Variants in DMAC2 observed in about 807,000 individuals in gnomAD.
DMAC2 encodes the protein distal membrane arm assembly component 2.
A neutral mutation model predicts 29.6 loss-of-function variants in DMAC2; 32 were observed. The observed-to-expected ratio is 1.08, with a 90% confidence interval of 0.81 to 1.45. The LOEUF is 1.45. Ranked by LOEUF, DMAC2 falls within the 40% of genes most tolerant of loss-of-function variation. The pLI is 0.00. For synonymous variants in DMAC2, 133 were observed against 137.4 expected (o/e 0.97, Z 0.23); for missense variants, 319 against 340.0 (o/e 0.94, Z 0.49).
Position 41,433,350 on chromosome 19 carries a change from G to A in DMAC2, c.518C>T (p.Ala173Val). Residue 173 changes from alanine (A) to valine (V), a missense_variant, in exon 5 of 6, where the codon GCC becomes GTC. Physicochemically the swap from Ala to Val is moderately conservative, Grantham distance 64. Coordinates refer to ENST00000221943, the MANE Select transcript of DMAC2 (RefSeq NM_018035.3). ...CAGCGAGAGCTCCTGCAACGAGTCG[G>A]CCAGTGGGTAGAGGCGGCTGAGACA... The part of the protein sequence containing the change: ...DWCLSRLYPL[A>V]DSLQELSLAG... 1 of 1,612,736 alleles carries A rather than the reference G, an allele frequency of 6.2e-7. No individual in the cohort carries two copies. The highest frequency in any genetic ancestry group is 8.5e-7 in the Non-Finnish European group (1 of 1,179,944).
intron 3 of DMAC2, among the ~76,000 whole-genome samples, chr19:41,434,848 T>C (rs191826519): frequency 6.6e-6 from 1 of 151,440 alleles, no homozygotes; most frequent in East Asian, 1.9e-4. Flanking sequence ...CTACCAAAAA[T>C]AAAAAAAATT....
chr19:41,439,738 G>A lies in DMAC2; in HGVS notation c.18+144C>T, dbSNP rs1037442992. On this transcript the variant is annotated intron_variant, in intron 1 of 5. Coordinates refer to ENST00000221943, the MANE Select transcript of DMAC2 (RefSeq NM_018035.3). ...TCCTTCCTGGCCCCCACTAGCCACA[G>A]GTTTGCACTCCCAGTACGGGGCTTG... 9.1e-6 allele frequency: 13 copies of A among 1,420,948 alleles called. No homozygotes were observed. In the Admixed American group the frequency reaches 1.5e-4, roughly 16 times the overall value. 88.0% of individuals were successfully genotyped at this position (1,420,948 alleles called of 1,614,324 possible).
chr19:41,439,777 G>A, intron 1 of DMAC2, 105 bp downstream of exon 1: 2 of 1,564,750 alleles, frequency 1.3e-6, no homozygotes, highest in Non-Finnish European at 1.8e-6. Context: ...GGCTTAGCCT[G>A]CTGCCTCACG....
chr19:41,434,107 C>T (rs2039728888), intron 3 of DMAC2, among the ~76,000 whole-genome samples: 1 of 152,020 alleles, frequency 6.6e-6, no homozygotes, highest in Non-Finnish European at 1.5e-5. Context: ...TGGTGGCAGG[C>T]GCCTGTACTC....
At chr19:41,437,160 AAGGCCG>A (rs1349207320) in intron 2 of DMAC2, among the ~76,000 whole-genome samples, 3 of 150,188 alleles carry the variant, frequency 2.0e-5, no homozygotes, top group Non-Finnish European at 3.0e-5. Context: ...AGCACTTTGG[AAGGCCG>A]AGGCAGGTGG....
At chr19:41,432,870 G>A (rs1310336747) in intron 5 of DMAC2, 13 of 441,868 alleles carry the variant, frequency 2.9e-5, no homozygotes, top group African/African-American at 1.0e-4. Flanking sequence ...GTGTGCGTGC[G>A]TGTGTGTGTG....
intron 3 of DMAC2, among the ~76,000 whole-genome samples, chr19:41,435,588 T>C (rs371899786): frequency 5.9e-5 from 9 of 151,540 alleles, no homozygotes; most frequent in Middle Eastern, 3.4e-3. Flanking sequence ...TTTTTTGTGA[T>C]GAGGTCTCCC....
intron 5 of DMAC2, chr19:41,432,686 A>T: frequency 3.8e-6 from 1 of 265,180 alleles, no homozygotes; most frequent in Non-Finnish European, 6.5e-6. Flanking sequence ...GTATAGGGAG[A>T]TAAGCCAGTA....
intron 3 of DMAC2, 116 bp from the exon 4 acceptor site, chr19:41,433,789 A>C: frequency 7.2e-7 from 1 of 1,392,458 alleles, no homozygotes; most frequent in South Asian, 1.4e-5. Context: ...GACATAACTA[A>C]TTCCATCTTA....
chr19:41,438,857 A>C (rs1555772062), intron 1 of DMAC2: 1 of 159,416 alleles, frequency 6.3e-6, no homozygotes, highest in Non-Finnish European at 1.4e-5. Context: ...CAATCCCTAA[A>C]ACCAACCAAG....
Position 41,438,361 on chromosome 19 carries a change from G to T in DMAC2, c.72C>A (p.Arg24=). Residue 24 remains arginine (R), a synonymous_variant, in exon 2 of 6, where the codon CGC becomes CGA. Coordinates refer to ENST00000221943, the MANE Select transcript of DMAC2 (RefSeq NM_018035.3). ...CCTCTGGGGCCACTGCCGCACCCAG[G>T]CGATGGATGCCCCTGATACGCCCAT... ...MWNGRIRGIH[R]LGAAVAPEGN... 1 of 1,614,238 alleles carries T rather than the reference G, an allele frequency of 6.2e-7. No homozygotes were observed. Among genetic ancestry groups the T allele is most frequent in the Non-Finnish European group, 8.5e-7 (1 of 1,180,040 alleles).
In DMAC2 at chr19:41,432,191, GC is replaced by G. The variant is rs782331533; in HGVS notation, c.*39del. Reference sequence around the variant, plus strand: ...GGTGAGCTACCAGACATTCCATGCAGCCCGCTGAGAAGCCACGTGAGTGGGG... The same window carrying G: ...GGTGAGCTACCAGACATTCCATGCAGCCGCTGAGAAGCCACGTGAGTGGGG... On this transcript the variant is annotated 3_prime_UTR_variant, in exon 6 of 6. Transcript: ENST00000221943. 6.3e-7 allele frequency: 1 copy of G among 1,591,176 alleles called. No individual in the cohort carries two copies. Among genetic ancestry groups the G allele is most frequent in the East Asian group, 2.2e-5 (1 of 44,604 alleles).
At chr19:41,438,757 CT>C (rs1382128482) in intron 1 of DMAC2, among the ~76,000 whole-genome samples, 1 of 152,048 alleles carries the variant, frequency 6.6e-6, no homozygotes, top group Non-Finnish European at 1.5e-5. Flanking sequence ...CCCAATTCTT[CT>C]GCTGGGGTCT....
chr19:41,435,748 A>G (rs2122242106), intron 3 of DMAC2, among the ~76,000 whole-genome samples: 1 of 151,866 alleles, frequency 6.6e-6, no homozygotes, highest in Non-Finnish European at 1.5e-5. Context: ...TTTTGTAGAG[A>G]CAGGGTCTCA....
chr19:41,433,402 G>C lies in DMAC2; in HGVS notation c.466C>G (p.Gln156Glu). 6.2e-7 allele frequency: 1 copy of C among 1,613,622 alleles called. No individual in the cohort carries two copies. Among genetic ancestry groups the C allele is most frequent in the Non-Finnish European group, 8.5e-7 (1 of 1,179,864 alleles). ...CAGTCGTCCACGTGGCAGCAGCGCT[G>C]CAGCGACAAGGACTGGAGCTCCTTC... ...RLKELQSLSL[Q>E]RCCHVDDWCL... Residue 156 changes from glutamine to glutamate, a missense_variant, in exon 5 of 6, where the codon CAG becomes GAG. Physicochemically the swap from Gln to Glu is conservative, Grantham distance 29 (BLOSUM62 2). Transcript: ENST00000221943.
At chr19:41,439,718 C>A (rs1285592990) in intron 1 of DMAC2, 164 bp downstream of exon 1, 42 of 1,347,598 alleles carry the variant, frequency 3.1e-5, no homozygotes, top group Non-Finnish European at 4.1e-5. Context: ...ACAGATCCTT[C>A]CTGGCCCCCA....
intron 5 of DMAC2, chr19:41,432,783 CGTGTGTGTGTGT>C (rs374254190): frequency 2.0e-3 from 603 of 303,146 alleles, no homozygotes; most frequent in Middle Eastern, 4.8e-3. Flanking sequence ...GGACAGCGTG[CGTGTGTGTGTGT>C]GTGTGTGTGT....
intron 5 of DMAC2, 28 bp from the exon 6 acceptor site, chr19:41,432,436 C>T: frequency 6.2e-7 from 1 of 1,608,192 alleles, no homozygotes. Context: ...GGACAGGAAG[C>T]CAGTGTAAGG....
At chr19:41,437,479 A>AC (rs1313493123) in intron 2 of DMAC2, among the ~76,000 whole-genome samples, 19 of 152,300 alleles carry the variant, frequency 1.2e-4, no homozygotes, top group Middle Eastern at 3.4e-3. Flanking sequence ...CAGGCGGATC[A>AC]CCTGAGGTCA....
Sources: gnomAD v4.1 joint callset for allele counts (sites outside exome capture counted in the v4.1 genomes callset) on GRCh38, gnomAD v4.1.1 for gene constraint, MANE v1.5 for transcripts, NCBI Gene and HGNC (gene_info 2026-07-23, HGNC 2026-07-21) for gene names.